Variants in PCDH19 observed in about 807,000 individuals in gnomAD.
The protein encoded by PCDH19 is protocadherin-19.
Under a neutral mutation model 46.2 loss-of-function variants are expected in PCDH19, and 6 were observed. The ratio of observed to expected loss-of-function variants is 0.13; its 90% CI spans 0.07 to 0.26. The LOEUF is 0.26. PCDH19 is among the 10% of genes least tolerant of loss of function. The pLI is 1.00. For synonymous variants in PCDH19, 481 were observed against 415.7 expected, an observed-to-expected ratio of 1.16 and a Z score of -1.91; for missense variants, 740 against 972.3, an observed-to-expected ratio of 0.76 and a Z score of 3.18.
intron 5 of PCDH19, among the ~76,000 whole-genome samples, chrX:100,336,585 G>C (rs1169125296): frequency 1.8e-5 from 2 of 112,005 alleles, no homozygotes; most frequent in Non-Finnish European, 3.8e-5. Context: ...TAAAACAGAA[G>C]AATCTATACT....
At chrX:100,345,429 A>C (rs1304652375) in intron 4 of PCDH19, among the ~76,000 whole-genome samples, 2 of 111,582 alleles carry the variant, frequency 1.8e-5, no homozygotes, top group African/African-American at 6.5e-5. Flanking sequence ...TGAATAATTA[A>C]AACTATATCA....
chrX:100,402,423 C>A lies in PCDH19; in HGVS notation c.2616+101G>T. ...GCATAAGCAGAGAAATTCTCCCCAC[C>A]CCTGCCAGGGGATGTGCCAGCACAG... On this transcript the variant is annotated intron_variant, in intron 3 of 5. Transcript: ENST00000373034. 3 of 723,842 alleles carry A rather than the reference C, an allele frequency of 4.1e-6. No individual in the cohort carries two copies. In the South Asian group the frequency reaches 6.8e-5, roughly 16 times the overall value. The allele number at this position is 723,842 out of a possible 1,213,427, so 59.7% of individuals were successfully genotyped here.
At chrX:100,395,006 G>T (rs1439998049) in intron 3 of PCDH19, among the ~76,000 whole-genome samples, 1 of 107,218 alleles carries the variant, frequency 9.3e-6, no homozygotes, top group Non-Finnish European at 1.9e-5. Flanking sequence ...TCCTGCCTCA[G>T]CCTCCCAAGT....
At chrX:100,316,122 A>T (rs1307025787) in intron 5 of PCDH19, among the ~76,000 whole-genome samples, 1 of 111,933 alleles carries the variant, frequency 8.9e-6, no homozygotes, top group African/African-American at 3.3e-5. Flanking sequence ...TAATTTATTG[A>T]ATTTTCCTCT....
intron 3 of PCDH19, among the ~76,000 whole-genome samples, chrX:100,363,146 T>C (rs781096886): frequency 1.5e-3 from 162 of 109,992 alleles, no homozygotes; most frequent in Non-Finnish European, 2.1e-3. Flanking sequence ...CTACTAAAAA[T>C]ACAAAAAATT....
At chrX:100,296,903 T>G in intron 5 of PCDH19, 28 bp from the exon 6 acceptor site, 2 of 1,141,981 alleles carry the variant, frequency 1.8e-6, no homozygotes, top group Non-Finnish European at 2.4e-6. Context: ...AATATCAATT[T>G]CATCAGCTTT....
chrX:100,337,437 C>T (rs1352975446), intron 5 of PCDH19, among the ~76,000 whole-genome samples: 1 of 112,360 alleles, frequency 8.9e-6, no homozygotes, highest in African/African-American at 3.2e-5. Context: ...TCTCTATCAT[C>T]TTCTTTTCTG....
At chrX:100,374,508 C>T (rs1176379546) in intron 3 of PCDH19, among the ~76,000 whole-genome samples, 5 of 111,478 alleles carry the variant, frequency 4.5e-5, no homozygotes, top group African/African-American at 1.6e-4. Context: ...TAAAAATGAG[C>T]AACAGGGGGA....
chrX:100,328,402 GA>G (rs1453446940), intron 5 of PCDH19, among the ~76,000 whole-genome samples: 1 of 111,743 alleles, frequency 8.9e-6, no homozygotes, highest in Non-Finnish European at 1.9e-5. Flanking sequence ...GTAACAGTTT[GA>G]ACGTTGAGTG....
intron 3 of PCDH19, among the ~76,000 whole-genome samples, chrX:100,354,826 T>C (rs1926667328): frequency 9.0e-6 from 1 of 111,209 alleles, no homozygotes; most frequent in South Asian, 3.8e-4. Context: ...TTTCTCTAAA[T>C]GTCACATTAA....
intron 5 of PCDH19, among the ~76,000 whole-genome samples, chrX:100,331,341 C>T (rs1925864443): frequency 8.9e-6 from 1 of 111,857 alleles, no homozygotes; most frequent in South Asian, 3.8e-4. Flanking sequence ...CTATGGGGTT[C>T]CACTTTGTCC....
In PCDH19 at chrX:100,407,943, G is replaced by A. The variant is rs377627937; in HGVS notation, c.655C>T (p.Leu219=). The A allele has an allele frequency of 1.2e-4, 149 of 1,209,602 alleles. 1 individual carries two copies. Among genetic ancestry groups the A allele is most frequent in the East Asian group, 5.9e-4 (20 of 33,780 alleles). The change falls in exon 1 of 6, where the codon CTG becomes TTG. Residue 219 remains leucine (L), a synonymous_variant. Coordinates refer to ENST00000373034, the MANE Select transcript of PCDH19 (RefSeq NM_001184880.2). ...TTGATACTAAGGCCAACGGTGCCCA[G>A]GCGCGGCGGGTCGCCACCGTCTAGC... ...TALDGGDPPR[L]GTVGLSIKVT... is the part of the protein sequence containing the mutation.
intron 5 of PCDH19, among the ~76,000 whole-genome samples, chrX:100,314,865 CCTCTT>C (rs1357164569): frequency 8.9e-6 from 1 of 112,238 alleles, no homozygotes; most frequent in Non-Finnish European, 1.9e-5. Flanking sequence ...GATTCCCACT[CCTCTT>C]CTCATCTTGT....
chrX:100,387,213 C>T (rs957354217), intron 3 of PCDH19, among the ~76,000 whole-genome samples: 1 of 111,802 alleles, frequency 8.9e-6, no homozygotes, highest in Non-Finnish European at 1.9e-5. Context: ...AGGATGTTGG[C>T]TTTTGTATTT....
intron 5 of PCDH19, among the ~76,000 whole-genome samples, chrX:100,305,203 C>T (rs1602572412): frequency 8.9e-6 from 1 of 112,084 alleles, no homozygotes; most frequent in East Asian, 2.8e-4. Context: ...AAAGGAAAAC[C>T]TATCAGAATA....
At position 100,292,771 on chromosome X, in the gene PCDH19, T is replaced by C. The variant is rs1464222386; in HGVS notation, c.*3506A>G. The C allele has an allele frequency of 8.9e-6, 1 of 112,025 alleles. No individual in the cohort carries two copies. The highest frequency in any genetic ancestry group is 1.9e-5 in the Non-Finnish European group (1 of 53,191). The allele number at this position is 112,025 out of a possible 1,213,427, so 9.2% of individuals were successfully genotyped here. A position where few individuals can be genotyped will look rare whatever the true frequency, so the allele number is the denominator to read the frequency against. ...AGGCAAACACTAGGACTGTATACAA[T>C]GGATTTCTTAAGCTCATTTATGCCA... On this transcript the variant is annotated 3_prime_UTR_variant, in exon 6 of 6. Coordinates refer to ENST00000373034, the MANE Select transcript of PCDH19 (RefSeq NM_001184880.2).
chrX:100,309,083 G>C (rs2147456585), intron 5 of PCDH19, among the ~76,000 whole-genome samples: 1 of 108,671 alleles, frequency 9.2e-6, no homozygotes, highest in Admixed American at 1.0e-4. Context: ...AGCACAATTT[G>C]CAATTGCAAA....
At chrX:100,356,128 T>C (rs1926706522) in intron 3 of PCDH19, among the ~76,000 whole-genome samples, 1 of 110,826 alleles carries the variant, frequency 9.0e-6, no homozygotes, top group Non-Finnish European at 1.9e-5. Context: ...GTTACTCAAA[T>C]CTTTAGATTT....
intron 5 of PCDH19, among the ~76,000 whole-genome samples, chrX:100,322,865 A>ATATATATATATATATATATTTT: frequency 5.5e-5 from 3 of 54,410 alleles, no homozygotes; most frequent in Admixed American, 2.1e-4. Context: ...ATATATATAT[A>ATATATATATATATATATATTTT]TTTTTGCAGC....
Sources: gnomAD v4.1 joint callset for allele counts (sites outside exome capture counted in the v4.1 genomes callset) on GRCh38, gnomAD v4.1.1 for gene constraint, MANE v1.5 for transcripts, NCBI Gene and HGNC (gene_info 2026-07-23, HGNC 2026-07-21) for gene names.